The following USP31 variants were observed in gnomAD, a reference collection of about 807,000 sequenced individuals.
The protein encoded by USP31 is ubiquitin specific peptidase 31.
A neutral mutation model predicts 119.4 loss-of-function variants in USP31; 44 were observed. That is an observed-to-expected ratio of 0.37 (90% CI 0.29 to 0.47). The LOEUF (loss-of-function observed/expected upper bound fraction) is 0.47. Ranked by LOEUF, USP31 falls within the 20% of genes least tolerant of loss-of-function variation. USP31 has a pLI of 0.99. For synonymous variants in USP31, 749 were observed against 705.6 expected, an observed-to-expected ratio of 1.06 and a Z score of -0.97; for missense variants, 1,643 against 1,730.2, an observed-to-expected ratio of 0.95 and a Z score of 0.89.
intron 6 of USP31, among the ~76,000 whole-genome samples, chr16:23,101,222 GAAT>G (rs1022565463): frequency 6.6e-6 from 1 of 152,178 alleles, no homozygotes; most frequent in African/African-American, 2.4e-5. Flanking sequence ...AGTGGCAGTA[GAAT>G]AAAGGGGAAA....
chr16:23,070,286 T>C (rs1349364899), intron 15 of USP31, among the ~76,000 whole-genome samples: 1 of 152,186 alleles, frequency 6.6e-6, no homozygotes, highest in East Asian at 1.9e-4. Flanking sequence ...CCAGAACCCC[T>C]TCCCGCACCA....
intron 10 of USP31, 57 bp from the exon 11 acceptor site, chr16:23,085,046 A>C: frequency 6.3e-7 from 1 of 1,597,786 alleles, no homozygotes; most frequent in Non-Finnish European, 8.5e-7. Flanking sequence ...AGAAGGAAAA[A>C]TACAATTATG....
chr16:23,139,949 T>G (rs1903306120), intron 1 of USP31, among the ~76,000 whole-genome samples: 1 of 152,208 alleles, frequency 6.6e-6, no homozygotes, highest in Non-Finnish European at 1.5e-5. Context: ...CCTCTTGTAG[T>G]TTTCTTAATA....
At chr16:23,127,225 C>T (rs972131281) in intron 1 of USP31, among the ~76,000 whole-genome samples, 1 of 151,826 alleles carries the variant, frequency 6.6e-6, no homozygotes, top group Non-Finnish European at 1.5e-5. Context: ...CCCAGGAGTT[C>T]GAGACCAGCC....
intron 13 of USP31, among the ~76,000 whole-genome samples, chr16:23,076,474 G>A (rs1405909592): frequency 6.6e-6 from 1 of 152,096 alleles, no homozygotes; most frequent in Non-Finnish European, 1.5e-5. Context: ...TGGGTAATGG[G>A]TTCCTTGAGG....
At chr16:23,140,319 G>A (rs971116844) in intron 1 of USP31, among the ~76,000 whole-genome samples, 1 of 152,168 alleles carries the variant, frequency 6.6e-6, no homozygotes, top group African/African-American at 2.4e-5. Context: ...AGTATCTGGA[G>A]ACATTTTTAA....
At position 23,122,956 on chromosome 16, in the gene USP31, G is replaced by T. The variant is rs146333689; in HGVS notation, c.634-14773C>A. On this transcript the variant is annotated intron_variant, in intron 1 of 15. Coordinates refer to ENST00000219689, the MANE Select transcript of USP31 (RefSeq NM_020718.4). ...CGTAGGTTAACTGTATTTCAATAAA[G>T]CTGTTTTTAAAACAATATATACTTA... Among the ~76,000 whole-genome samples the T allele has an allele frequency of 5.9e-5, 9 of 152,306 alleles. No homozygotes were observed. The East Asian group carries it at 1.5e-3, about 26-fold the overall frequency.
chr16:23,100,682 G>A (rs184989006), intron 6 of USP31, among the ~76,000 whole-genome samples: 30 of 152,156 alleles, frequency 2.0e-4, no homozygotes, highest in African/African-American at 5.5e-4. Context: ...CTAAGGTTGC[G>A]GTGAGCCAAG....
intron 1 of USP31, 36 bp downstream of exon 1, chr16:23,148,602 G>T (rs1018476492): frequency 1.3e-5 from 18 of 1,426,294 alleles, no homozygotes; most frequent in Non-Finnish European, 1.5e-5. Context: ...CCAGGGGCTC[G>T]GGGTGCAGTG....
chr16:23,135,828 T>C (rs1211957229), intron 1 of USP31, among the ~76,000 whole-genome samples: 5 of 152,132 alleles, frequency 3.3e-5, no homozygotes, highest in African/African-American at 1.2e-4. Flanking sequence ...AATAGAAAAG[T>C]CCATCCTAAA....
chr16:23,145,411 T>C (rs1044681792), intron 1 of USP31, among the ~76,000 whole-genome samples: 7 of 152,124 alleles, frequency 4.6e-5, no homozygotes, highest in Admixed American at 1.3e-4. Context: ...CAGCTCTTCA[T>C]AGCTCCCTGG....
At position 23,079,955 on chromosome 16, in the gene USP31, G is replaced by C; in HGVS notation, c.2167C>G (p.His723Asp). The change falls in exon 13 of 16, where the codon CAC becomes GAC. Residue 723 changes from histidine to aspartate, a missense_variant. Physicochemically the swap from His to Asp is moderately conservative, Grantham distance 81. Coordinates refer to ENST00000219689, the MANE Select transcript of USP31 (RefSeq NM_020718.4). ...CTCTCACACTGCAGACCTGTGTAGTGCCCCCCTTGCATGGTGCCATGGTGA... is the reference window on the plus strand; with the variant it reads ...CTCTCACACTGCAGACCTGTGTAGTCCCCCCCTTGCATGGTGCCATGGTGA... The part of the protein sequence containing the change: ...CNHHGTMQGG[H>D]YTAYCKNSVD... The C allele has an allele frequency of 6.2e-7, 1 of 1,610,766 alleles. No homozygotes were observed. Among genetic ancestry groups the C allele is most frequent in the Non-Finnish European group, 8.5e-7 (1 of 1,178,566 alleles).
chr16:23,134,674 T>TAAAAAAA (rs371982166), intron 1 of USP31, among the ~76,000 whole-genome samples: 1 of 86,850 alleles, frequency 1.2e-5, no homozygotes, highest in Admixed American at 1.2e-4. Flanking sequence ...GAAACAAAGC[T>TAAAAAAA]AAAAAAAAAA....
chr16:23,108,012 T>G (rs1331326798), intron 2 of USP31, 34 bp downstream of exon 2: 1 of 1,584,824 alleles, frequency 6.3e-7, no homozygotes, highest in African/African-American at 1.4e-5. Flanking sequence ...CTCTCATGGC[T>G]GGCTGACTGC....
At position 23,061,916 on chromosome 16, in the gene USP31, G is replaced by A. The variant is rs1899847538; in HGVS notation, c.*6130C>T. ...CACAGTTGGTGAGCAGACCTCTATGGAATGCAAACACGTATTTGAAAGGCC... is the reference window on the plus strand; with the variant it reads ...CACAGTTGGTGAGCAGACCTCTATGAAATGCAAACACGTATTTGAAAGGCC... On this transcript the variant is annotated 3_prime_UTR_variant, in exon 16 of 16. Transcript: ENST00000219689. The A allele has an allele frequency of 6.6e-6, 1 of 152,622 alleles. No individual in the cohort carries two copies. The highest frequency in any genetic ancestry group is 1.5e-5 in the Non-Finnish European group (1 of 68,036). The allele number at this position is 152,622 out of a possible 1,614,324, so 9.5% of individuals were successfully genotyped here. A position where few individuals can be genotyped will look rare whatever the true frequency, so the allele number is the denominator to read the frequency against.
chr16:23,072,264 C>A (rs769648777), intron 14 of USP31, 67 bp from the exon 15 acceptor site: 3 of 1,551,442 alleles, frequency 1.9e-6, no homozygotes, highest in South Asian at 2.3e-5. Context: ...GCCACACACA[C>A]CCTCATGAAG....
chr16:23,082,073 C>T (rs1188150257), intron 12 of USP31, among the ~76,000 whole-genome samples: 4 of 152,192 alleles, frequency 2.6e-5, no homozygotes, highest in Non-Finnish European at 5.9e-5. Context: ...CTCATCTCCC[C>T]AACCATACAA....
chr16:23,072,555 A>C, intron 14 of USP31: 1 of 567,094 alleles, frequency 1.8e-6, no homozygotes, highest in Admixed American at 3.4e-5. Context: ...CATGCCAGGC[A>C]CTGTTCTAAG....
At chr16:23,121,330 G>A (rs138111513) in intron 1 of USP31, among the ~76,000 whole-genome samples, 26 of 152,186 alleles carry the variant, frequency 1.7e-4, no homozygotes, top group African/African-American at 5.1e-4. Context: ...CACAGCCTCC[G>A]CCCATTCTTT....
Sources: gnomAD v4.1 joint callset for allele counts (sites outside exome capture counted in the v4.1 genomes callset) on GRCh38, gnomAD v4.1.1 for gene constraint, MANE v1.5 for transcripts, NCBI Gene and HGNC (gene_info 2026-07-23, HGNC 2026-07-21) for gene names.